Variants in HDLBP observed in about 807,000 individuals in gnomAD.
The protein encoded by HDLBP is vigilin.
A neutral mutation model predicts 137.3 loss-of-function variants in HDLBP; 30 were observed. The observed-to-expected ratio is 0.22, with a 90% CI of 0.16 to 0.30. The LOEUF is 0.30. Ranked by LOEUF, HDLBP falls within the 10% of genes least tolerant of loss-of-function variation. The pLI, the probability that HDLBP is intolerant of heterozygous loss-of-function variation, is 1.00. For synonymous variants in HDLBP, 606 were observed against 596.0 expected, an observed-to-expected ratio of 1.02 and a Z score of -0.24; for missense variants, 1,119 against 1,667.3, an observed-to-expected ratio of 0.67 and a Z score of 5.73.
intron 1 of HDLBP, among the ~76,000 whole-genome samples, chr2:241,277,691 G>A (rs888496141): frequency 1.4e-4 from 21 of 152,242 alleles, no homozygotes; most frequent in Admixed American, 1.0e-3. Flanking sequence ...GCCGGGCGAG[G>A]TGGCTCACGC....
At chr2:241,297,009 A>G (rs1357759637) in intron 1 of HDLBP, among the ~76,000 whole-genome samples, 4 of 152,254 alleles carry the variant, frequency 2.6e-5, no homozygotes, top group Non-Finnish European at 4.4e-5. Flanking sequence ...GCTGTTACCA[A>G]CAAGAATCCA....
At chr2:241,248,173 A>G in intron 13 of HDLBP, 57 bp from the exon 14 acceptor site, 2 of 1,552,138 alleles carry the variant, frequency 1.3e-6, no homozygotes, top group Non-Finnish European at 1.8e-6. Context: ...TATATCCCAA[A>G]TATCAAATAT....
chr2:241,281,886 T>C (rs1176234160), intron 1 of HDLBP, among the ~76,000 whole-genome samples: 2 of 152,256 alleles, frequency 1.3e-5, no homozygotes, highest in East Asian at 1.9e-4. Flanking sequence ...GTGGCTCATA[T>C]TGGACAGCAG....
intron 1 of HDLBP, among the ~76,000 whole-genome samples, chr2:241,278,457 C>T (rs1039647598): frequency 4.6e-5 from 7 of 152,120 alleles, no homozygotes; most frequent in African/African-American, 1.7e-4. Context: ...GTGGCACATG[C>T]CTGTACTCCC....
At chr2:241,308,741 G>A (rs991674549) in intron 1 of HDLBP, among the ~76,000 whole-genome samples, 3 of 152,110 alleles carry the variant, frequency 2.0e-5, no homozygotes, top group East Asian at 3.9e-4. Context: ...TTTGCCTCAG[G>A]GTCTACCTCG....
Position 241,236,593 on chromosome 2 carries a change from A to AG in HDLBP, c.2904+21dup, listed in dbSNP as rs3214744. The AG allele has an allele frequency of 7.0e-5, 112 of 1,609,518 alleles. No individual in the cohort carries two copies. The East Asian group carries it at 1.6e-3, about 23-fold the overall frequency. ...CTGACTGGGCCTTGGCGGGGGGTGG[A>AG]GGGGGGCACATGGACACATACCTCC... On this transcript the variant is annotated intron_variant, in intron 21 of 27. Coordinates refer to ENST00000310931, the MANE Select transcript of HDLBP (RefSeq NM_005336.6).
chr2:241,276,535 C>A lies in HDLBP; in HGVS notation c.-102-7994G>T, dbSNP rs548178943. 5.3e-5 allele frequency among the ~76,000 whole-genome samples: 8 copies of A among 152,170 alleles called. No individual in the cohort carries two copies. The South Asian group carries it at 1.7e-3, about 32-fold the overall frequency. ...CATCAGTAATCTAAATACGTGTTAA[C>A]AGACTAAACTGACCAACTCTAACAG... On this transcript the variant is annotated intron_variant, in intron 1 of 27. Transcript: ENST00000310931.
chr2:241,301,716 G>A (rs1033758955), intron 1 of HDLBP, among the ~76,000 whole-genome samples: 1 of 151,592 alleles, frequency 6.6e-6, no homozygotes, highest in Non-Finnish European at 1.5e-5. Flanking sequence ...ACTGTCGAAT[G>A]GTTACAGCAG....
intron 1 of HDLBP, among the ~76,000 whole-genome samples, chr2:241,279,035 CT>C (rs1234626665): frequency 1.5e-5 from 2 of 135,654 alleles, no homozygotes; most frequent in African/African-American, 2.8e-5. Flanking sequence ...CTCTCCACCC[CT>C]CTAAAAAAAT....
At chr2:241,269,411 G>A (rs1408685063) in intron 1 of HDLBP, 2 of 152,236 alleles carry the variant, frequency 1.3e-5, no homozygotes, top group Non-Finnish European at 2.9e-5. Context: ...CTGAGAAGGC[G>A]GTTCATGGCA....
Position 241,235,116 on chromosome 2 carries a change from C to T in HDLBP, c.3144+5G>A, listed in dbSNP as rs1341966193. 1 of 1,612,026 alleles carries T rather than the reference C, an allele frequency of 6.2e-7. No individual in the cohort carries two copies. The stretch of plus-strand genomic sequence containing the variant: ...TGGGCAGTGCCCCGGCCACCTCCTG[C>T]TCACCCGGTCCTCCTGCTCGGCCTG... On this transcript the variant is annotated splice_donor_5th_base_variant and intron_variant, in intron 23 of 27. Transcript: ENST00000310931.
Position 241,272,187 on chromosome 2 carries a change from C to T in HDLBP, c.-102-3646G>A, listed in dbSNP as rs905676477. On this transcript the variant is annotated intron_variant, in intron 1 of 27. Coordinates refer to ENST00000310931, the MANE Select transcript of HDLBP (RefSeq NM_005336.6). This position sits in a 1 kb window ranked among gnomAD's most constrained non-coding sequence, Gnocchi z 5.6. The stretch of plus-strand genomic sequence containing the variant: ...CACGTAGACTGACGCGGGCCCCGCG[C>T]GGCAGGTGGAGGTGCTGCGGGGGCC... The T allele has an allele frequency of 6.2e-5, 61 of 985,056 alleles. No individual in the cohort carries two copies. Among genetic ancestry groups the T allele is most frequent in the Non-Finnish European group, 7.2e-5 (60 of 829,728 alleles). The allele number at this position is 985,056 out of a possible 1,614,324, so 61.0% of individuals were successfully genotyped here.
chr2:241,277,352 C>T (rs1361323628), intron 1 of HDLBP, among the ~76,000 whole-genome samples: 1 of 152,016 alleles, frequency 6.6e-6, no homozygotes, highest in Non-Finnish European at 1.5e-5. Context: ...TATTAATGAA[C>T]TAAAAGACAT....
chr2:241,254,507 CAG>C (rs1284207373), intron 9 of HDLBP, among the ~76,000 whole-genome samples: 1 of 145,974 alleles, frequency 6.9e-6, no homozygotes, highest in African/African-American at 2.5e-5. Context: ...TTTTTTGAGA[CAG>C]AGTCTCGCTC....
At chr2:241,267,710 T>C in intron 2 of HDLBP, 4 of 1,535,126 alleles carry the variant, frequency 2.6e-6, no homozygotes, top group Non-Finnish European at 3.5e-6. Flanking sequence ...AAGTGGTAGC[T>C]GCGTGACAGG....
rs2072322009 is a variant in HDLBP, at chr2:241,253,029, G to A, written c.1300C>T (p.Arg434Trp). 2 of 1,604,026 alleles carry A rather than the reference G, an allele frequency of 1.2e-6. No individual in the cohort carries two copies. The highest frequency in any genetic ancestry group is 2.2e-5 in the East Asian group (1 of 44,526). ...IEGMVKDLIN[R>W]MDYVEINIDH... ...ATGTTGATCTCCACATAGTCCATCCGGTTAATCTGCAGGAGGAGCACAGAG... is the reference window on the plus strand; with the variant it reads ...ATGTTGATCTCCACATAGTCCATCCAGTTAATCTGCAGGAGGAGCACAGAG... The change falls in exon 11 of 28, where the codon CGG becomes TGG. Residue 434 changes from arginine (R) to tryptophan (W), a missense_variant. Around this residue, in one of 4 missense-constraint regions of HDLBP, gnomAD observed 425 missense variants for 693.9 expected, o/e 0.61. Transcript: ENST00000310931.
rs745340687 is a variant in HDLBP at position 241,230,210 on chromosome 2, C to A, written c.3534G>T (p.Gly1178=). 2 of 1,613,446 alleles carry A rather than the reference C, an allele frequency of 1.2e-6. No homozygotes were observed. Among genetic ancestry groups the A allele is most frequent in the East Asian group, 2.2e-5 (1 of 44,864 alleles). Residue 1178 remains glycine (G), a synonymous_variant, in exon 26 of 28, where the codon GGG becomes GGT. Transcript: ENST00000310931. This position sits in a 1 kb window ranked among gnomAD's most constrained non-coding sequence, Gnocchi z 5.0. ...APDPNCVTVT[G]LPENVEEAID... ...TGGCTTCCTCCACATTCTCTGGGAG[C>A]CCCGTCACAGTGACGCAGTTGGGGT...
intron 4 of HDLBP, 139 bp from the exon 5 acceptor site, chr2:241,263,065 G>GA: frequency 1.5e-6 from 1 of 663,862 alleles, no homozygotes; most frequent in Non-Finnish European, 2.6e-6. Flanking sequence ...GAAGCCCTGG[G>GA]ATAAAGCAGC....
intron 2 of HDLBP, chr2:241,267,598 C>T (rs1218796107): frequency 1.3e-6 from 2 of 1,535,608 alleles, no homozygotes; most frequent in East Asian, 2.4e-5. Context: ...TTACAAAATG[C>T]ATCATGACAG....
Sources: gnomAD v4.1 joint callset for allele counts (sites outside exome capture counted in the v4.1 genomes callset) on GRCh38, gnomAD v4.1.1 for gene constraint, gnomAD v4.1.1 regional missense constraint, Gnocchi (gnomAD v3.1) non-coding constraint, MANE v1.5 for transcripts, NCBI Gene and HGNC (gene_info 2026-07-23, HGNC 2026-07-21) for gene names.